Variants in NR1D2 observed in about 807,000 individuals in gnomAD.
The protein encoded by NR1D2 is nuclear receptor subfamily 1 group D member 2.
A neutral mutation model predicts 52.2 loss-of-function variants in NR1D2; 25 were observed. The ratio of observed to expected loss-of-function variants is 0.48; its 90% CI spans 0.35 to 0.67. The LOEUF is 0.67. Among genes scored for constraint, NR1D2 ranks in the 30% least tolerant of loss-of-function variants. The pLI, the probability that NR1D2 is intolerant of heterozygous loss-of-function variation, is 0.01. For missense variants in NR1D2, 681 were observed against 707.2 expected (o/e 0.96, Z 0.42); for synonymous variants, 259 against 230.1 (o/e 1.13, Z -1.14).
In NR1D2 at chr3:23,978,059, G is replaced by T. The variant is rs566332560; in HGVS notation, c.*640G>T. Reference sequence around the variant, plus strand: ...ACTATGTAAATAAGGTAAAATTTCTGTTATTACAATTATTCATAATAATAT... The same window carrying T: ...ACTATGTAAATAAGGTAAAATTTCTTTTATTACAATTATTCATAATAATAT... On this transcript the variant is annotated 3_prime_UTR_variant, in exon 8 of 8. Coordinates refer to ENST00000312521, the MANE Select transcript of NR1D2 (RefSeq NM_005126.5). 22 of 152,176 alleles carry T rather than the reference G, an allele frequency of 1.4e-4. No individual in the cohort carries two copies. Among genetic ancestry groups the T allele is most frequent in the African/African-American group, 5.3e-4 (22 of 41,524 alleles). 9.4% of individuals were successfully genotyped at this position (152,176 alleles called of 1,614,324 possible).
chr3:23,961,649 G>A (rs1706249790), intron 4 of NR1D2, among the ~76,000 whole-genome samples: 1 of 151,970 alleles, frequency 6.6e-6, no homozygotes, highest in East Asian at 1.9e-4. Context: ...ACCTGCCTCA[G>A]CCTCCCAAAG....
chr3:23,945,836 A>G (rs1245168626), intron 1 of NR1D2, among the ~76,000 whole-genome samples: 1 of 149,596 alleles, frequency 6.7e-6, no homozygotes, highest in Non-Finnish European at 1.5e-5. Context: ...CCCCCCCCTC[A>G]CATGGCCCGG....
In NR1D2 at chr3:23,946,232, C is replaced by G. The variant is rs1425414951; in HGVS notation, c.16+638C>G. On this transcript the variant is annotated intron_variant, in intron 1 of 7. Coordinates refer to ENST00000312521, the MANE Select transcript of NR1D2 (RefSeq NM_005126.5). ...GGCGCTGACACCGCAGTGCACCGGA[C>G]GCCGCACGCTCTTTTCGCGAGGTGA... is the stretch of plus-strand genomic sequence containing the variant. The G allele has an allele frequency of 4.1e-6, 4 of 985,320 alleles. No individual in the cohort carries two copies. In the African/African-American group the frequency reaches 5.2e-5, roughly 13 times the overall value. 61.0% of individuals were successfully genotyped at this position (985,320 alleles called of 1,614,324 possible). A position where few individuals can be genotyped will look rare whatever the true frequency, so the allele number is the denominator to read the frequency against.
chr3:23,960,595 G>A lies in NR1D2; in HGVS notation c.517+780G>A, dbSNP rs1706208106. ...GATCCACCTGCCTCGGCCTCCCAAAGCGCTGGGATTACAGGTGTGAGCCAT... is the reference window on the plus strand; with the variant it reads ...GATCCACCTGCCTCGGCCTCCCAAAACGCTGGGATTACAGGTGTGAGCCAT... On this transcript the variant is annotated intron_variant, in intron 4 of 7. Transcript: ENST00000312521. Among the ~76,000 whole-genome samples, 5 of 152,174 alleles carry A rather than the reference G, an allele frequency of 3.3e-5. No individual in the cohort carries two copies. In the South Asian group the frequency reaches 1.0e-3, roughly 32 times the overall value.
intron 5 of NR1D2, among the ~76,000 whole-genome samples, 180 bp downstream of exon 5, chr3:23,962,785 C>G (rs1278190352): frequency 2.0e-4 from 31 of 152,062 alleles, no homozygotes; most frequent in Admixed American, 2.0e-3. Flanking sequence ...GATGAATGAC[C>G]TAATTTCACA....
chr3:23,978,446 G>A lies in NR1D2; in HGVS notation c.*1027G>A, dbSNP rs1409670037. The A allele has an allele frequency of 2.0e-5, 3 of 151,500 alleles. No homozygotes were observed. The highest frequency in any genetic ancestry group is 1.5e-5 in the Non-Finnish European group (1 of 67,920). The allele number at this position is 151,500 out of a possible 1,614,324, so 9.4% of individuals were successfully genotyped here. On this transcript the variant is annotated 3_prime_UTR_variant, in exon 8 of 8. Transcript: ENST00000312521. ...TTTGTTTATTTAAGCAACACTTAAT[G>A]TAAAAGTGCAACAGGCAATTGAATC...
intron 7 of NR1D2, among the ~76,000 whole-genome samples, chr3:23,972,183 T>G (rs1706607527): frequency 6.6e-6 from 1 of 152,200 alleles, no homozygotes; most frequent in Admixed American, 6.5e-5. Context: ...TATTACTTTA[T>G]CCTCACAGTA....
At chr3:23,953,369 A>T (rs1453739271) in intron 1 of NR1D2, among the ~76,000 whole-genome samples, 1 of 148,954 alleles carries the variant, frequency 6.7e-6, no homozygotes, top group African/African-American at 2.5e-5. Context: ...AAAAAAAAAA[A>T]AATGCCAGTT....
Position 23,978,718 on chromosome 3 carries a change from G to C in NR1D2, c.*1299G>C, listed in dbSNP as rs1706805068. ...GGCATGTGTGTGTGTGCGTGCGTGT[G>C]TATGTTCTGAGTCCACTTCTTTTTT... On this transcript the variant is annotated 3_prime_UTR_variant, in exon 8 of 8. Transcript: ENST00000312521. The C allele has an allele frequency of 6.6e-6, 1 of 152,002 alleles. No homozygotes were observed. The highest frequency in any genetic ancestry group is 2.1e-4 in the South Asian group (1 of 4,830). The allele number at this position is 152,002 out of a possible 1,614,324, so 9.4% of individuals were successfully genotyped here.
At chr3:23,971,098 A>G (rs762859053) in intron 7 of NR1D2, among the ~76,000 whole-genome samples, 1 of 151,812 alleles carries the variant, frequency 6.6e-6, no homozygotes, top group Non-Finnish European at 1.5e-5. Context: ...AGCATAAATT[A>G]CTAGCTGTTT....
chr3:23,953,342 C>CAAAAAAAAAAAAAAAAA (rs55698030), intron 1 of NR1D2, among the ~76,000 whole-genome samples: 1 of 52,440 alleles, frequency 1.9e-5, no homozygotes, highest in Non-Finnish European at 3.9e-5. Context: ...GACTCTGTCT[C>CAAAAAAAAAAAAAAAAA]AAAAAAAAAA....
chr3:23,945,658 T>G, intron 1 of NR1D2, 64 bp downstream of exon 1: 1 of 1,094,736 alleles, frequency 9.1e-7, no homozygotes, highest in Non-Finnish European at 1.1e-6. Flanking sequence ...CGCGGGGCAC[T>G]TTGGGGGGCG....
chr3:23,955,862 G>A (rs545940405), intron 2 of NR1D2, among the ~76,000 whole-genome samples, 175 bp from the exon 3 acceptor site: 1 of 152,120 alleles, frequency 6.6e-6, no homozygotes, highest in African/African-American at 2.4e-5. Flanking sequence ...AACACCGTAA[G>A]AAAATTATGA....
At chr3:23,951,515 A>G (rs1248883915) in intron 1 of NR1D2, among the ~76,000 whole-genome samples, 1 of 152,236 alleles carries the variant, frequency 6.6e-6, no homozygotes, top group Non-Finnish European at 1.5e-5. Flanking sequence ...GGAATTTTTA[A>G]TGTGGACTTA....
intron 7 of NR1D2, among the ~76,000 whole-genome samples, chr3:23,970,638 T>A (rs183490263): frequency 2.7e-4 from 41 of 152,308 alleles, no homozygotes; most frequent in African/African-American, 6.3e-4. Context: ...AAAGACTGAT[T>A]GTAAAAGAAT....
intron 1 of NR1D2, among the ~76,000 whole-genome samples, chr3:23,953,175 A>T: frequency 6.9e-6 from 1 of 144,298 alleles, no homozygotes; most frequent in South Asian, 2.2e-4. Flanking sequence ...CATCTCTACT[A>T]AAAAAAAAAA....
chr3:23,965,257 T>TG (rs1706408994), intron 6 of NR1D2, 95 bp downstream of exon 6: 1 of 868,262 alleles, frequency 1.2e-6, no homozygotes, highest in Non-Finnish European at 1.7e-6. Context: ...TTTTTTTTTT[T>TG]GAGACAGAAT....
chr3:23,959,888 C>G, intron 4 of NR1D2, 73 bp downstream of exon 4: 2 of 1,426,616 alleles, frequency 1.4e-6, no homozygotes, highest in Non-Finnish European at 1.9e-6. Context: ...TGAACCAGAG[C>G]TATAAACCGG....
At chr3:23,964,257 T>G (rs1008509728) in intron 5 of NR1D2, among the ~76,000 whole-genome samples, 6 of 152,072 alleles carry the variant, frequency 3.9e-5, no homozygotes, top group African/African-American at 1.4e-4. Flanking sequence ...TTTTTAATTG[T>G]TGGTAGAGAC....
Sources: gnomAD v4.1 joint callset for allele counts (sites outside exome capture counted in the v4.1 genomes callset) on GRCh38, gnomAD v4.1.1 for gene constraint, MANE v1.5 for transcripts, NCBI Gene and HGNC (gene_info 2026-07-23, HGNC 2026-07-21) for gene names.